KCNH8: variants seen among roughly 807,000 people sequenced by gnomAD.
The protein encoded by KCNH8 is potassium voltage-gated channel subfamily H member 8.
KCNH8 carries 70 observed loss-of-function variants against 103.6 expected under a neutral mutation model. The observed-to-expected ratio is 0.68, with a 90% CI of 0.56 to 0.82. The LOEUF is 0.82. KCNH8 is among the 40% of genes least tolerant of loss of function. The probability of loss-of-function intolerance (pLI) is 0.00; values close to 1 mark genes in which losing one functional copy is unlikely to be tolerated. For missense variants in KCNH8, 1,217 were observed against 1,329.9 expected (o/e 0.92, Z 1.32); for synonymous variants, 498 against 489.4 (o/e 1.02, Z -0.23).
chr3:19,405,087 A>G (rs1223318177), intron 7 of KCNH8, among the ~76,000 whole-genome samples: 1 of 151,916 alleles, frequency 6.6e-6, no homozygotes, highest in Non-Finnish European at 1.5e-5. Context: ...AATTTTAGAA[A>G]TTAAATTAGG....
At chr3:19,238,632 A>G (rs954540419) in intron 1 of KCNH8, among the ~76,000 whole-genome samples, 1 of 152,224 alleles carries the variant, frequency 6.6e-6, no homozygotes, top group Admixed American at 6.5e-5. Flanking sequence ...CAAAAGAACC[A>G]ATTACTTGTC....
At chr3:19,437,365 TCTC>T (rs753924431) in intron 7 of KCNH8, among the ~76,000 whole-genome samples, 2 of 152,200 alleles carry the variant, frequency 1.3e-5, no homozygotes, top group Non-Finnish European at 2.9e-5. Flanking sequence ...CTTGCTATCT[TCTC>T]ATGTTTATTA....
chr3:19,283,977 AT>A lies in KCNH8; in HGVS notation c.442+2649del, dbSNP rs144009822. Among the ~76,000 whole-genome samples, 477 of 151,332 alleles carry A rather than the reference AT, an allele frequency of 3.2e-3. 21 individuals carry two copies. The East Asian group carries it at 0.081, about 26-fold the overall frequency. ...AAGAAATAAAGAAAAAGAAAAAAAA[AT>A]ATTTTTACCTGCCCTTAATGGAGAA... is the stretch of plus-strand genomic sequence containing the variant. On this transcript the variant is annotated intron_variant, in intron 3 of 15. Transcript: ENST00000328405.
chr3:19,372,153 T>G (rs2066108780), intron 5 of KCNH8, among the ~76,000 whole-genome samples: 2 of 152,170 alleles, frequency 1.3e-5, no homozygotes, highest in Admixed American at 1.3e-4. Flanking sequence ...GTGAAGAAAG[T>G]CATTGGTAGC....
intron 3 of KCNH8, among the ~76,000 whole-genome samples, chr3:19,331,047 G>T (rs1324635024): frequency 6.6e-6 from 1 of 151,950 alleles, no homozygotes; most frequent in African/African-American, 2.4e-5. Flanking sequence ...ACTGTAGGCA[G>T]ACTATTTCTT....
chr3:19,376,406 C>T (rs1487158748), intron 5 of KCNH8, among the ~76,000 whole-genome samples: 1 of 152,184 alleles, frequency 6.6e-6, no homozygotes, highest in Non-Finnish European at 1.5e-5. Context: ...AAAGGGAACT[C>T]CCTGACCCCT....
intron 15 of KCNH8, among the ~76,000 whole-genome samples, chr3:19,518,645 T>A (rs2068917490): frequency 6.6e-6 from 1 of 151,916 alleles, no homozygotes; most frequent in Non-Finnish European, 1.5e-5. Context: ...ATCCAGTGAG[T>A]TTTAGTAACT....
intron 7 of KCNH8, among the ~76,000 whole-genome samples, chr3:19,398,723 T>C (rs1024194579): frequency 6.6e-6 from 1 of 151,990 alleles, no homozygotes; most frequent in Non-Finnish European, 1.5e-5. Flanking sequence ...CAGTATTAAA[T>C]TAGGCAACAT....
At chr3:19,159,723 T>C (rs1030053974) in intron 1 of KCNH8, among the ~76,000 whole-genome samples, 4 of 152,134 alleles carry the variant, frequency 2.6e-5, no homozygotes, top group Admixed American at 1.3e-4. Flanking sequence ...AACATTTGTA[T>C]CTAAACACTT....
intron 5 of KCNH8, among the ~76,000 whole-genome samples, chr3:19,355,473 G>A (rs1419684910): frequency 1.3e-5 from 2 of 152,066 alleles, no homozygotes; most frequent in African/African-American, 4.8e-5. Context: ...GCAAAGACTT[G>A]GAACCAACCC....
At chr3:19,421,625 T>C (rs1454745472) in intron 7 of KCNH8, among the ~76,000 whole-genome samples, 3 of 152,070 alleles carry the variant, frequency 2.0e-5, no homozygotes, top group Non-Finnish European at 4.4e-5. Flanking sequence ...TAAAAGTTCA[T>C]ATCAGATACA....
intron 1 of KCNH8, among the ~76,000 whole-genome samples, chr3:19,170,284 T>G (rs1027168850): frequency 2.0e-5 from 3 of 152,188 alleles, no homozygotes; most frequent in Admixed American, 1.3e-4. Context: ...GCTCTATGTT[T>G]AACACACACA....
intron 11 of KCNH8, among the ~76,000 whole-genome samples, chr3:19,467,928 AG>A (rs2067776512): frequency 6.6e-6 from 1 of 151,814 alleles, no homozygotes; most frequent in African/African-American, 2.4e-5. Context: ...TTCCTTAGGG[AG>A]GCAGGCTCCA....
chr3:19,449,746 A>T (rs1200460359), intron 8 of KCNH8, among the ~76,000 whole-genome samples: 2 of 152,136 alleles, frequency 1.3e-5, no homozygotes, highest in Non-Finnish European at 2.9e-5. Context: ...TAACTATCAA[A>T]CTATACATAA....
intron 1 of KCNH8, among the ~76,000 whole-genome samples, chr3:19,168,035 A>T (rs2063302485): frequency 2.1e-5 from 3 of 144,246 alleles, no homozygotes; most frequent in African/African-American, 2.6e-5. Flanking sequence ...TTTAAGATGG[A>T]GTTTCACTAT....
intron 7 of KCNH8, 37 bp from the exon 8 acceptor site, chr3:19,438,125 CTT>C: frequency 6.5e-7 from 1 of 1,538,310 alleles, no homozygotes; most frequent in Non-Finnish European, 9.0e-7. Flanking sequence ...TGAGACTTTA[CTT>C]TTTCTTCTCT....
Position 19,438,315 on chromosome 3 carries a change from T to C in KCNH8, c.1329T>C (p.Asn443=), listed in dbSNP as rs1361217980. The C allele has an allele frequency of 1.2e-6, 2 of 1,613,948 alleles. No homozygotes were observed. Among genetic ancestry groups the C allele is most frequent in the African/African-American group, 1.3e-5 (1 of 74,916 alleles). Residue 443 remains asparagine (N), a synonymous_variant, in exon 8 of 16, where the codon AAT becomes AAC. Transcript: ENST00000328405. ...TGGGTTTTGGGAACGTCTCTGCTAATACAGATGCAGAAAAGATCTTCTCCA... is the reference window on the plus strand; with the variant it reads ...TGGGTTTTGGGAACGTCTCTGCTAACACAGATGCAGAAAAGATCTTCTCCA... The part of the protein sequence containing the change: ...TSVGFGNVSA[N]TDAEKIFSIC...
chr3:19,501,478 G>A (rs893757915), intron 11 of KCNH8, among the ~76,000 whole-genome samples: 4 of 152,138 alleles, frequency 2.6e-5, no homozygotes, highest in African/African-American at 9.7e-5. Flanking sequence ...AACCAAAAAA[G>A]AGAATTTTAG....
chr3:19,196,465 A>T (rs1193959525), intron 1 of KCNH8, among the ~76,000 whole-genome samples: 1 of 151,974 alleles, frequency 6.6e-6, no homozygotes, highest in Admixed American at 6.6e-5. Flanking sequence ...GAAATGAAAA[A>T]AAAAAAGATC....
Sources: allele counts gnomAD v4.1 joint callset (sites outside exome capture counted in the v4.1 genomes callset), GRCh38; gene constraint gnomAD v4.1.1; transcripts MANE v1.5; gene names NCBI Gene and HGNC (gene_info 2026-07-23, HGNC 2026-07-21).